The following TBC1D16 variants were observed in gnomAD, a reference collection of about 807,000 sequenced individuals.
The protein encoded by TBC1D16 is TBC1 domain family member 16, also known as CTD-2529O21.1.
A neutral mutation model predicts 74.7 loss-of-function variants in TBC1D16; 58 were observed. That is an observed-to-expected ratio of 0.78 (90% confidence interval 0.63 to 0.97). The LOEUF is 0.97. Ranked by LOEUF, TBC1D16 falls within the 50% of genes least tolerant of loss-of-function variation. The probability of loss-of-function intolerance (pLI) is 0.00; values close to 1 mark genes in which losing one functional copy is unlikely to be tolerated. For missense variants in TBC1D16, 1,014 were observed against 1,079.5 expected (o/e 0.94, Z 0.85); for synonymous variants, 493 against 474.7 (o/e 1.04, Z -0.50).
At position 79,941,934 on chromosome 17, in the gene TBC1D16, A is replaced by G. The variant is rs2032041349; in HGVS notation, c.2055+126T>C. 3.8e-6 allele frequency: 3 copies of G among 798,810 alleles called. No homozygotes were observed. The highest frequency in any genetic ancestry group is 2.1e-5 in the African/African-American group (1 of 48,074). The allele number at this position is 798,810 out of a possible 1,614,324, so 49.5% of individuals were successfully genotyped here. A position where few individuals can be genotyped will look rare whatever the true frequency, so the allele number is the denominator to read the frequency against. On this transcript the variant is annotated intron_variant, in intron 11 of 11. Coordinates refer to ENST00000310924, the MANE Select transcript of TBC1D16 (RefSeq NM_019020.4). The surrounding 1 kb of genome is among the most constrained non-coding windows in gnomAD (Gnocchi z 4.3). ...GGGGGAGGGCACGTGCTGGGGGGCC[A>G]TGGTGGGGATGGGGCTCTGGGGGCG...
intron 1 of TBC1D16, among the ~76,000 whole-genome samples, chr17:80,016,738 T>C (rs956314042): frequency 6.6e-6 from 1 of 152,160 alleles, no homozygotes; most frequent in African/African-American, 2.4e-5. Context: ...TCTCTGCCTC[T>C]CTGGGTTCCT....
At position 79,978,529 on chromosome 17, in the gene TBC1D16, GC is replaced by G. The variant is rs2034440087; in HGVS notation, c.780-25712del. Among the ~76,000 whole-genome samples the G allele has an allele frequency of 2.6e-5, 4 of 152,208 alleles. No homozygotes were observed. In the South Asian group the frequency reaches 8.3e-4, roughly 31 times the overall value. ...GAGAGAATGTACCAGGCCTTTGAGT[GC>G]TGTTTCTGTTTTAATTTTTTCTTAG... On this transcript the variant is annotated intron_variant, in intron 3 of 11. Coordinates refer to ENST00000310924, the MANE Select transcript of TBC1D16 (RefSeq NM_019020.4).
At position 79,940,714 on chromosome 17, in the gene TBC1D16, G is replaced by A. The variant is rs2031893675; in HGVS notation, c.*145C>T. On this transcript the variant is annotated 3_prime_UTR_variant, in exon 12 of 12. Coordinates refer to ENST00000310924, the MANE Select transcript of TBC1D16 (RefSeq NM_019020.4). This position sits in a 1 kb window ranked among gnomAD's most constrained non-coding sequence, Gnocchi z 5.4. ...CAGACTCTAATTTTGTCATTAATAT[G>A]AAAAGGTTCCTCTCATGTTGCCCAA... The A allele has an allele frequency of 1.0e-6, 1 of 988,262 alleles. No homozygotes were observed. The highest frequency in any genetic ancestry group is 1.6e-5 in the African/African-American group (1 of 60,706). 61.2% of individuals were successfully genotyped at this position (988,262 alleles called of 1,614,324 possible). A position where few individuals can be genotyped will look rare whatever the true frequency, so the allele number is the denominator to read the frequency against.
rs917636337 is a variant in TBC1D16 at position 79,986,907 on chromosome 17, G to T, written c.779+23253C>A. 6.6e-6 allele frequency among the ~76,000 whole-genome samples: 1 copy of T among 152,236 alleles called. No homozygotes were observed. The highest frequency in any genetic ancestry group is 1.9e-4 in the East Asian group (1 of 5,196). On this transcript the variant is annotated intron_variant, in intron 3 of 11. Transcript: ENST00000310924. This position sits in a 1 kb window ranked among gnomAD's most constrained non-coding sequence, Gnocchi z 6.0. ...CTGGACTGCGGTCAGCCGTCCCCTC[G>T]CGCCCTCCGGTCTCTGCTGCTGTGT...
intron 7 of TBC1D16, 111 bp downstream of exon 7, chr17:79,949,606 T>C (rs995213376): frequency 2.9e-6 from 4 of 1,364,574 alleles, no homozygotes; most frequent in Non-Finnish European, 3.0e-6. Context: ...TGAAAGAAAC[T>C]ATGGGTCACG....
rs1043704961 is a variant in TBC1D16, at chr17:80,020,321, C to T, written c.-62-6712G>A. Among the ~76,000 whole-genome samples the T allele has an allele frequency of 4.7e-5, 7 of 150,002 alleles. 1 individual carries two copies. The highest frequency in any genetic ancestry group is 1.3e-4 in the Admixed American group (2 of 15,220). Reference sequence around the variant, plus strand: ...GTATAAGGCCAGGTGTGGTGGCTCACGCCTGTAATCCCAGCACTTTGGAAG... The same window carrying T: ...GTATAAGGCCAGGTGTGGTGGCTCATGCCTGTAATCCCAGCACTTTGGAAG... On this transcript the variant is annotated intron_variant, in intron 1 of 11. Coordinates refer to ENST00000310924, the MANE Select transcript of TBC1D16 (RefSeq NM_019020.4).
chr17:79,942,039 C>T (rs1411801109), intron 11 of TBC1D16, 21 bp downstream of exon 11: 6 of 1,599,248 alleles, frequency 3.8e-6, no homozygotes, highest in Admixed American at 1.7e-5. Context: ...GGGGTGGGGC[C>T]CACATCTGGG....
chr17:79,990,787 TC>T lies in TBC1D16; in HGVS notation c.779+19372del, dbSNP rs2035027965. Among the ~76,000 whole-genome samples, 1 of 152,086 alleles carries T rather than the reference TC, an allele frequency of 6.6e-6. No homozygotes were observed. The highest frequency in any genetic ancestry group is 1.5e-5 in the Non-Finnish European group (1 of 68,024). ...CCTCAGCCCCTGGCACCCCAATCTT[TC>T]CCTCTCTGAGCCTGACAACTCCAGG... On this transcript the variant is annotated intron_variant, in intron 3 of 11. Coordinates refer to ENST00000310924, the MANE Select transcript of TBC1D16 (RefSeq NM_019020.4). The surrounding 1 kb of genome is among the most constrained non-coding windows in gnomAD (Gnocchi z 4.8).
intron 3 of TBC1D16, among the ~76,000 whole-genome samples, chr17:79,989,992 G>A (rs868736325): frequency 4.6e-5 from 7 of 152,234 alleles, no homozygotes; most frequent in Middle Eastern, 3.4e-3. Context: ...AGAAACCTGC[G>A]CTCAGATTTC....
rs1218643646 is a variant in TBC1D16 at position 80,001,636 on chromosome 17, C to A, written c.779+8524G>T. On this transcript the variant is annotated intron_variant, in intron 3 of 11. Coordinates refer to ENST00000310924, the MANE Select transcript of TBC1D16 (RefSeq NM_019020.4). This position sits in a 1 kb window ranked among gnomAD's most constrained non-coding sequence, Gnocchi z 5.8. ...AATGGAGGATGCAGCCCTCCCAGCT[C>A]CTGGCCATCCCACCTCCGAGGTCTC... Among the ~76,000 whole-genome samples, 1 of 152,148 alleles carries A rather than the reference C, an allele frequency of 6.6e-6. No individual in the cohort carries two copies. Among genetic ancestry groups the A allele is most frequent in the Non-Finnish European group, 1.5e-5 (1 of 68,012 alleles).
rs764171143 is a variant in TBC1D16 at position 80,013,570 on chromosome 17, T to C, written c.-23A>G. The stretch of plus-strand genomic sequence containing the variant: ...CATTGCCGGGCAAGTGTTTCCATCC[T>C]CCGCATGCGTCGGCCCGGGCAGGGC... On this transcript the variant is annotated 5_prime_UTR_variant, in exon 2 of 12. Coordinates refer to ENST00000310924, the MANE Select transcript of TBC1D16 (RefSeq NM_019020.4). 1.4e-5 allele frequency: 21 copies of C among 1,467,814 alleles called. No individual in the cohort carries two copies. In the East Asian group the frequency reaches 5.1e-4, roughly 35 times the overall value. The allele number at this position is 1,467,814 out of a possible 1,614,324, so 90.9% of individuals were successfully genotyped here.
At chr17:80,014,409 A>G (rs150470496) in intron 1 of TBC1D16, among the ~76,000 whole-genome samples, 2,184 of 152,304 alleles carry the variant, frequency 0.014, 27 homozygotes, top group Non-Finnish European at 0.021. Flanking sequence ...TATACAGAAT[A>G]TATAAAGAAC....
chr17:80,015,598 G>A (rs1385055161), intron 1 of TBC1D16, among the ~76,000 whole-genome samples: 1 of 152,242 alleles, frequency 6.6e-6, no homozygotes, highest in Non-Finnish European at 1.5e-5. Flanking sequence ...CAGCCACAGA[G>A]GGGCTTCACC....
At chr17:79,982,277 G>T (rs956872976) in intron 3 of TBC1D16, among the ~76,000 whole-genome samples, 2 of 151,302 alleles carry the variant, frequency 1.3e-5, no homozygotes, top group Non-Finnish European at 2.9e-5. Context: ...CTCCTGAGTA[G>T]CTGGAATTAC....
At position 79,944,205 on chromosome 17, in the gene TBC1D16, A is replaced by G. The variant is rs2032304462; in HGVS notation, c.1908+703T>C. The stretch of plus-strand genomic sequence containing the variant: ...AGGGTTCTCTGACGGAGGCTGCTGG[A>G]GCTGCCGTGGTGGATAGAGCCAGCT... On this transcript the variant is annotated intron_variant, in intron 10 of 11. Transcript: ENST00000310924. The surrounding 1 kb of genome is among the most constrained non-coding windows in gnomAD (Gnocchi z 7.7). 4.7e-6 allele frequency: 7 copies of G among 1,489,452 alleles called. No individual in the cohort carries two copies. In the East Asian group the frequency reaches 1.7e-4, roughly 37 times the overall value. The allele number at this position is 1,489,452 out of a possible 1,614,324, so 92.3% of individuals were successfully genotyped here. A position where few individuals can be genotyped will look rare whatever the true frequency, so the allele number is the denominator to read the frequency against.
intron 1 of TBC1D16, among the ~76,000 whole-genome samples, chr17:80,021,081 C>A (rs1310913481): frequency 6.7e-6 from 1 of 149,762 alleles, no homozygotes; most frequent in Non-Finnish European, 1.5e-5. Context: ...GGAGAAACCC[C>A]GTGTCTACTA....
rs181910595 is a variant in TBC1D16 at position 79,990,996 on chromosome 17, C to A, written c.779+19164G>T. 1.8e-4 allele frequency among the ~76,000 whole-genome samples: 28 copies of A among 152,340 alleles called. No homozygotes were observed. The highest frequency in any genetic ancestry group is 3.5e-4 in the Non-Finnish European group (24 of 68,038). ...ACACCGCGTTTCTCTAGTCACCCGTCGGGGGAACTTGGACGCTTTCACCAT... is the reference window on the plus strand; with the variant it reads ...ACACCGCGTTTCTCTAGTCACCCGTAGGGGGAACTTGGACGCTTTCACCAT... On this transcript the variant is annotated intron_variant, in intron 3 of 11. Coordinates refer to ENST00000310924, the MANE Select transcript of TBC1D16 (RefSeq NM_019020.4). The surrounding 1 kb of genome is among the most constrained non-coding windows in gnomAD (Gnocchi z 4.8).
At chr17:79,999,533 CTTTTTTT>C (rs71163906) in intron 3 of TBC1D16, among the ~76,000 whole-genome samples, 87 of 76,464 alleles carry the variant, frequency 1.1e-3, no homozygotes, top group South Asian at 2.1e-3. Flanking sequence ...CCCCAAATTT[CTTTTTTT>C]TTTTTTTTTT....
chr17:79,996,923 C>T (rs917595840), intron 3 of TBC1D16, among the ~76,000 whole-genome samples: 7 of 152,170 alleles, frequency 4.6e-5, no homozygotes, highest in Admixed American at 2.0e-4. Context: ...TCCGTGAGCG[C>T]GTGGACCGTG....
Sources: gnomAD v4.1 joint callset for allele counts (sites outside exome capture counted in the v4.1 genomes callset) on GRCh38, gnomAD v4.1.1 for gene constraint, Gnocchi (gnomAD v3.1) non-coding constraint, MANE v1.5 for transcripts, NCBI Gene and HGNC (gene_info 2026-07-23, HGNC 2026-07-21) for gene names.